Variants in SPAG16 observed in about 807,000 individuals in gnomAD.
The protein encoded by SPAG16 is sperm-associated antigen 16 protein.
Under a neutral mutation model 80.4 loss-of-function variants are expected in SPAG16, and 86 were observed. The observed-to-expected ratio is 1.07, with a 90% CI of 0.90 to 1.28. The LOEUF is 1.28. Among genes scored for constraint, SPAG16 ranks in the 50% most tolerant of loss-of-function variants. The pLI, the probability that SPAG16 is intolerant of heterozygous loss-of-function variation, is 0.00. For missense variants in SPAG16, 870 were observed against 765.3 expected, an observed-to-expected ratio of 1.14 and a Z score of -1.61; for synonymous variants, 294 against 265.9, an observed-to-expected ratio of 1.11 and a Z score of -1.03.
At chr2:213,485,039 G>A (rs1032828639) in intron 9 of SPAG16, among the ~76,000 whole-genome samples, 1 of 151,298 alleles carries the variant, frequency 6.6e-6, no homozygotes, top group East Asian at 1.9e-4. Flanking sequence ...TGTCCATTCA[G>A]GCTGGAGTGC....
chr2:214,072,308 G>A (rs2050824788), intron 13 of SPAG16, among the ~76,000 whole-genome samples: 1 of 152,068 alleles, frequency 6.6e-6, no homozygotes, highest in Admixed American at 6.6e-5. Context: ...TATGAAGAAA[G>A]CTGGTACTAT....
At chr2:213,756,997 A>T (rs1385838420) in intron 10 of SPAG16, among the ~76,000 whole-genome samples, 2 of 152,208 alleles carry the variant, frequency 1.3e-5, no homozygotes, top group African/African-American at 4.8e-5. Flanking sequence ...TATTCCACAT[A>T]AAAAAGCTTA....
intron 14 of SPAG16, among the ~76,000 whole-genome samples, chr2:214,117,348 C>T (rs973475795): frequency 2.0e-5 from 3 of 152,122 alleles, no homozygotes; most frequent in Non-Finnish European, 2.9e-5. Flanking sequence ...AAAGAAGTTA[C>T]AGGATCCTAC....
Position 213,322,346 on chromosome 2 carries a change from A to C in SPAG16, c.536+4990A>C, listed in dbSNP as rs533708750. 1.7e-4 allele frequency among the ~76,000 whole-genome samples: 20 copies of C among 118,930 alleles called. 1 individual carries two copies. Among genetic ancestry groups the C allele is most frequent in the East Asian group, 9.4e-4 (3 of 3,208 alleles). 78.0% of individuals were successfully genotyped at this position (118,930 alleles called of 152,430 possible). On this transcript the variant is annotated intron_variant, in intron 5 of 15. Transcript: ENST00000331683. The stretch of plus-strand genomic sequence containing the variant: ...AGTGTAGACAATGCAAAAAAAAAAA[A>C]AAAAAAAAAACAAAAAACTCGTTTG...
At chr2:214,270,038 A>G (rs958722656) in intron 15 of SPAG16, among the ~76,000 whole-genome samples, 1 of 152,168 alleles carries the variant, frequency 6.6e-6, no homozygotes, top group African/African-American at 2.4e-5. Context: ...GTTTAGTTTC[A>G]TAGCTTGTCT....
intron 10 of SPAG16, among the ~76,000 whole-genome samples, chr2:213,504,142 G>A (rs1369742188): frequency 2.6e-5 from 4 of 152,152 alleles, no homozygotes; most frequent in Non-Finnish European, 5.9e-5. Context: ...CTTGCTAAGC[G>A]GAAGGACTAT....
intron 3 of SPAG16, among the ~76,000 whole-genome samples, chr2:213,307,546 T>C (rs1255534166): frequency 7.0e-6 from 1 of 143,312 alleles, no homozygotes; most frequent in African/African-American, 2.6e-5. Context: ...CATCATTTTT[T>C]ATGGCTGCAT....
At chr2:213,380,114 C>G (rs988522173) in intron 9 of SPAG16, among the ~76,000 whole-genome samples, 3 of 152,176 alleles carry the variant, frequency 2.0e-5, no homozygotes, top group African/African-American at 7.2e-5. Context: ...CCCTGACCAT[C>G]CAGCCAAACC....
In SPAG16 at chr2:213,935,441, T is replaced by G. The variant is rs1575593351; in HGVS notation, c.1400+5296T>G. ...TGCTGATAATAGATGGCTAGTCTAC[T>G]CCCTCTTTTTTCTTCCCTTGCCCCT... is the stretch of plus-strand genomic sequence containing the variant. On this transcript the variant is annotated intron_variant, in intron 12 of 15. Coordinates refer to ENST00000331683, the MANE Select transcript of SPAG16 (RefSeq NM_024532.5). 6.6e-5 allele frequency among the ~76,000 whole-genome samples: 10 copies of G among 152,308 alleles called. 3 individuals carry two copies. Among genetic ancestry groups the G allele is most frequent in the Admixed American group, 6.5e-4 (10 of 15,302 alleles).
intron 12 of SPAG16, among the ~76,000 whole-genome samples, chr2:213,938,431 T>C (rs1370874552): frequency 6.6e-6 from 1 of 152,004 alleles, no homozygotes; most frequent in Non-Finnish European, 1.5e-5. Flanking sequence ...TATATACTTA[T>C]TTGTATTGAT....
chr2:214,189,095 A>G (rs1026255180), intron 15 of SPAG16, among the ~76,000 whole-genome samples: 12 of 152,118 alleles, frequency 7.9e-5, no homozygotes, highest in Non-Finnish European at 1.3e-4. Flanking sequence ...AGTATGTTGT[A>G]TTGCATAGAT....
chr2:214,137,524 T>C (rs11900486), intron 14 of SPAG16, among the ~76,000 whole-genome samples: 29,938 of 152,034 alleles, frequency 0.2, 2,993 homozygotes, highest in African/African-American at 0.23. Context: ...GTGACAAATT[T>C]GTATCTTATT....
Position 213,542,598 on chromosome 2 carries a change from A to AAAC in SPAG16, c.1070+52515_1070+52517dup, listed in dbSNP as rs573373880. Among the ~76,000 whole-genome samples the AAAC allele has an allele frequency of 7.9e-4, 120 of 152,284 alleles. 2 individuals carry two copies. Among genetic ancestry groups the AAAC allele is most frequent in the Middle Eastern group, 3.4e-3 (1 of 294 alleles). ...TGAGAATGTTAATGCAGAAAAATAAAAACAACAACCAGAAAAATCAAAACA... is the reference window on the plus strand; with the variant it reads ...TGAGAATGTTAATGCAGAAAAATAAAAACAACAACAACCAGAAAAATCAAAACA... On this transcript the variant is annotated intron_variant, in intron 10 of 15. Transcript: ENST00000331683.
chr2:214,123,860 A>G (rs1270413998), intron 14 of SPAG16, among the ~76,000 whole-genome samples: 2 of 152,096 alleles, frequency 1.3e-5, no homozygotes, highest in African/African-American at 2.4e-5. Context: ...ATCGGGACAC[A>G]TAGAGTGAAC....
chr2:213,791,668 A>G (rs1196197885), intron 10 of SPAG16, among the ~76,000 whole-genome samples: 1 of 152,148 alleles, frequency 6.6e-6, no homozygotes, highest in Admixed American at 6.5e-5. Context: ...TACGTTAAAT[A>G]CTTCAAATAA....
At chr2:213,602,491 G>A (rs558354772) in intron 10 of SPAG16, among the ~76,000 whole-genome samples, 65 of 152,050 alleles carry the variant, frequency 4.3e-4, no homozygotes, top group Non-Finnish European at 4.4e-4. Context: ...AAAATTAGCC[G>A]GGCGTGGTGG....
rs1241889101 is a variant in SPAG16 at position 213,402,714 on chromosome 2, A to T, written c.942+27595A>T. On this transcript the variant is annotated intron_variant, in intron 9 of 15. Coordinates refer to ENST00000331683, the MANE Select transcript of SPAG16 (RefSeq NM_024532.5). ...TCCTTGCGATAGTTTACAGAGAATG[A>T]TGGTTTCCAGTTTCATCCATGTCCC... Among the ~76,000 whole-genome samples, 3 of 152,110 alleles carry T rather than the reference A, an allele frequency of 2.0e-5. No homozygotes were observed. In the East Asian group the frequency reaches 5.8e-4, roughly 29 times the overall value.
intron 12 of SPAG16, among the ~76,000 whole-genome samples, chr2:213,971,545 A>G (rs998407497): frequency 6.6e-6 from 1 of 152,156 alleles, no homozygotes; most frequent in African/African-American, 2.4e-5. Context: ...TAGAGTTTTC[A>G]GTGGCATTAA....
At chr2:213,897,540 C>T (rs1434524527) in intron 11 of SPAG16, among the ~76,000 whole-genome samples, 1 of 152,128 alleles carries the variant, frequency 6.6e-6, no homozygotes, top group Non-Finnish European at 1.5e-5. Flanking sequence ...TCTACATCCA[C>T]CCATATGCAT....
Sources: allele counts gnomAD v4.1 joint callset (sites outside exome capture counted in the v4.1 genomes callset), GRCh38; gene constraint gnomAD v4.1.1; transcripts MANE v1.5; gene names NCBI Gene and HGNC (gene_info 2026-07-23, HGNC 2026-07-21).